The following RHOH variants were observed in gnomAD, a reference collection of about 807,000 sequenced individuals.
RHOH encodes the protein rho-related GTP-binding protein RhoH.
RHOH carries 6 observed loss-of-function variants against 13.8 expected under a neutral mutation model. The ratio of observed to expected loss-of-function variants is 0.44; its 90% CI spans 0.24 to 0.86. The LOEUF (loss-of-function observed/expected upper bound fraction) is 0.86. RHOH is among the 40% of genes least tolerant of loss of function. The pLI is 0.24. For synonymous variants in RHOH, 117 were observed against 103.0 expected (o/e 1.14, Z -0.82); for missense variants, 147 against 244.5 (o/e 0.60, Z 2.66).
chr4:40,204,939 A>C (rs1484967008), intron 1 of RHOH, among the ~76,000 whole-genome samples: 3 of 152,206 alleles, frequency 2.0e-5, no homozygotes, highest in African/African-American at 7.2e-5. Flanking sequence ...TGTCTTACTT[A>C]TCAGCTCGTG....
At chr4:40,205,017 C>T (rs1023683779) in intron 1 of RHOH, among the ~76,000 whole-genome samples, 1 of 152,078 alleles carries the variant, frequency 6.6e-6, no homozygotes, top group Non-Finnish European at 1.5e-5. Flanking sequence ...AATCCCAGCA[C>T]TTTGGGAGGC....
upstream of RHOH, chr4:40,192,958 T>A (rs1722765621): frequency 6.6e-6 from 1 of 152,458 alleles, no homozygotes; most frequent in Non-Finnish European, 1.5e-5. Context: ...GCTGTTAAAA[T>A]AGGGTTTAAA....
intron 1 of RHOH, among the ~76,000 whole-genome samples, chr4:40,213,617 G>A (rs552050073): frequency 2.0e-5 from 3 of 152,196 alleles, no homozygotes; most frequent in African/African-American, 7.2e-5. Context: ...AATCGCTCTG[G>A]TGAGAGAGGA....
intron 1 of RHOH, among the ~76,000 whole-genome samples, chr4:40,215,945 T>C (rs148840849): frequency 6.6e-6 from 1 of 150,938 alleles, no homozygotes; most frequent in East Asian, 2.0e-4. Context: ...AAGTAAAATA[T>C]ATATATTGGG....
At chr4:40,222,060 T>A (rs909061856) in intron 1 of RHOH, among the ~76,000 whole-genome samples, 1 of 152,208 alleles carries the variant, frequency 6.6e-6, no homozygotes, top group African/African-American at 2.4e-5. Flanking sequence ...TTGCTTCAAT[T>A]CTATGAAGGT....
At chr4:40,240,791 A>AAT (rs548548084) in intron 1 of RHOH, among the ~76,000 whole-genome samples, 1 of 151,934 alleles carries the variant, frequency 6.6e-6, no homozygotes, top group Non-Finnish European at 1.5e-5. Flanking sequence ...AAATAAAATT[A>AAT]AAATAAATAA....
intron 1 of RHOH, chr4:40,240,060 A>G: frequency 6.6e-6 from 1 of 152,234 alleles, no homozygotes; most frequent in East Asian, 1.9e-4. Flanking sequence ...CTCAGATTCA[A>G]TGCCAGGTCC....
At chr4:40,208,532 G>C (rs1724901727) in intron 1 of RHOH, among the ~76,000 whole-genome samples, 1 of 152,128 alleles carries the variant, frequency 6.6e-6, no homozygotes, top group Non-Finnish European at 1.5e-5. Flanking sequence ...AGGAAAACGA[G>C]CTAAATATTC....
intron 1 of RHOH, among the ~76,000 whole-genome samples, chr4:40,239,650 G>A (rs1327681766): frequency 1.3e-5 from 2 of 152,118 alleles, no homozygotes; most frequent in Non-Finnish European, 2.9e-5. Flanking sequence ...AGGCCAAGGT[G>A]GGCAGATCAC....
intron 1 of RHOH, among the ~76,000 whole-genome samples, chr4:40,199,524 A>T (rs1723687220): frequency 6.6e-6 from 1 of 152,230 alleles, no homozygotes; most frequent in Non-Finnish European, 1.5e-5. Flanking sequence ...ATTTGGTAAC[A>T]GTTTCTCTAG....
chr4:40,238,457 A>G (rs933201543), intron 1 of RHOH, among the ~76,000 whole-genome samples: 4 of 152,106 alleles, frequency 2.6e-5, no homozygotes, highest in African/African-American at 9.7e-5. Flanking sequence ...ATGGGTTAGG[A>G]TGTCTCTTCC....
chr4:40,219,447 A>T (rs375079287), intron 1 of RHOH, among the ~76,000 whole-genome samples: 1 of 151,914 alleles, frequency 6.6e-6, no homozygotes, highest in East Asian at 1.9e-4. Context: ...TGATAATTAT[A>T]CACATACATT....
At chr4:40,237,420 A>T (rs796817719) in intron 1 of RHOH, among the ~76,000 whole-genome samples, 6 of 152,120 alleles carry the variant, frequency 3.9e-5, no homozygotes, top group African/African-American at 1.2e-4. Context: ...GTGCCACTGC[A>T]TACAAGCCTG....
intron 1 of RHOH, among the ~76,000 whole-genome samples, chr4:40,217,573 T>C (rs1345263729): frequency 6.6e-6 from 1 of 152,218 alleles, no homozygotes; most frequent in East Asian, 1.9e-4. Flanking sequence ...TGCCTTTCTT[T>C]GATCCATATA....
At position 40,246,497 on chromosome 4, in the gene RHOH, G is replaced by C. The variant is rs1277708991; in HGVS notation, c.*2535G>C. On this transcript the variant is annotated 3_prime_UTR_variant, in exon 3 of 3. Transcript: ENST00000381799. ...TCCGTCTGGGAACTCTCATACCTGA[G>C]ACCAGGAATCTATGTGTAAACCCTT... is the stretch of plus-strand genomic sequence containing the variant. 3.9e-5 allele frequency: 6 copies of C among 152,344 alleles called. No individual in the cohort carries two copies. The highest frequency in any genetic ancestry group is 1.4e-4 in the African/African-American group (6 of 41,582). The allele number at this position is 152,344 out of a possible 1,614,324, so 9.4% of individuals were successfully genotyped here.
chr4:40,243,258 C>T lies in RHOH; in HGVS notation c.-129C>T. On this transcript the variant is annotated 5_prime_UTR_variant, in exon 3 of 3. Transcript: ENST00000381799. This position sits in a 1 kb window ranked among gnomAD's most constrained non-coding sequence, Gnocchi z 6.2. The stretch of plus-strand genomic sequence containing the variant: ...GAAGTAACATTCTGCAAATCGCCGT[C>T]AGAGGTCCTGAGGACACAGACCTAC... 1.4e-6 allele frequency: 1 copy of T among 699,250 alleles called. No individual in the cohort carries two copies. The allele number at this position is 699,250 out of a possible 1,614,324, so 43.3% of individuals were successfully genotyped here. A position where few individuals can be genotyped will look rare whatever the true frequency, so the allele number is the denominator to read the frequency against.
At position 40,244,108 on chromosome 4, in the gene RHOH, T is replaced by C. The variant is rs573113691; in HGVS notation, c.*146T>C. On this transcript the variant is annotated 3_prime_UTR_variant, in exon 3 of 3. Coordinates refer to ENST00000381799, the MANE Select transcript of RHOH (RefSeq NM_004310.5). Reference sequence around the variant, plus strand: ...TTTGGATACAGTTATTGATGAGGCTTGGCCACTGGATGTTTTCACTAACTA... The same window carrying C: ...TTTGGATACAGTTATTGATGAGGCTCGGCCACTGGATGTTTTCACTAACTA... 79 of 649,562 alleles carry C rather than the reference T, an allele frequency of 1.2e-4. 1 individual carries two copies. Among genetic ancestry groups the C allele is most frequent in the Non-Finnish European group, 1.6e-4 (59 of 377,996 alleles). The allele number at this position is 649,562 out of a possible 1,614,324, so 40.2% of individuals were successfully genotyped here.
chr4:40,224,711 C>G (rs943273802), intron 1 of RHOH, among the ~76,000 whole-genome samples: 8 of 152,208 alleles, frequency 5.3e-5, no homozygotes, highest in Non-Finnish European at 2.9e-5. Flanking sequence ...TGAGTTTAAG[C>G]TGCAGATTAG....
chr4:40,231,029 C>T (rs766454057), intron 1 of RHOH, among the ~76,000 whole-genome samples: 4 of 152,142 alleles, frequency 2.6e-5, no homozygotes, highest in Non-Finnish European at 4.4e-5. Flanking sequence ...ATAGCACATG[C>T]GTATCGTGGA....
Sources: allele counts gnomAD v4.1 joint callset (sites outside exome capture counted in the v4.1 genomes callset), GRCh38; gene constraint gnomAD v4.1.1; non-coding constraint Gnocchi (gnomAD v3.1); transcripts MANE v1.5; gene names NCBI Gene and HGNC (gene_info 2026-07-23, HGNC 2026-07-21).